Variants in ACCSL observed in about 807,000 individuals in gnomAD.
ACCSL encodes probable inactive 1-aminocyclopropane-1-carboxylate synthase-like protein 2.
In ACCSL, 55 loss-of-function variants were observed where a neutral mutation model predicts 61.7. The ratio of observed to expected loss-of-function variants is 0.89; its 90% confidence interval spans 0.72 to 1.12. The LOEUF (loss-of-function observed/expected upper bound fraction) is 1.12. Among genes scored for constraint, ACCSL ranks in the 50% most tolerant of loss-of-function variants. The pLI is 0.00. For synonymous variants in ACCSL, 258 were observed against 264.3 expected, an observed-to-expected ratio of 0.98 and a Z score of 0.23; for missense variants, 632 against 698.0, an observed-to-expected ratio of 0.91 and a Z score of 1.07.
At chr11:43,926,452 C>T in the ACCSL span, 1 of 454,942 alleles carries the variant, frequency 2.2e-6, no homozygotes, top group African/African-American at 2.0e-5. Flanking sequence ...AAACTCTGTA[C>T]AGAACGCCTT....
the ACCSL span, among the ~76,000 whole-genome samples, chr11:43,967,883 C>T: frequency 6.6e-6 from 1 of 152,174 alleles, no homozygotes; most frequent in African/African-American, 2.4e-5. Flanking sequence ...ATTTTCTCTA[C>T]ACATATGTTG....
At chr11:44,055,721 C>T (rs891746069) in intron 9 of ACCSL, among the ~76,000 whole-genome samples, 18 of 152,220 alleles carry the variant, frequency 1.2e-4, no homozygotes, top group Admixed American at 8.5e-4. Context: ...TACTCGGGCA[C>T]GTTCTAGAAA....
the ACCSL span, among the ~76,000 whole-genome samples, chr11:43,951,861 C>G: frequency 6.6e-6 from 1 of 152,120 alleles, no homozygotes; most frequent in African/African-American, 2.4e-5. Context: ...ATTAGCCAGG[C>G]ATGTTGGCGC....
At chr11:44,008,811 C>T in the ACCSL span, among the ~76,000 whole-genome samples, 1 of 152,252 alleles carries the variant, frequency 6.6e-6, no homozygotes, top group African/African-American at 2.4e-5. Flanking sequence ...GTAATGTCAT[C>T]TCCTGACAAC....
the ACCSL span, among the ~76,000 whole-genome samples, chr11:43,961,082 A>G: frequency 6.6e-6 from 1 of 152,202 alleles, no homozygotes; most frequent in Non-Finnish European, 1.5e-5. Flanking sequence ...CGGCCTTCCA[A>G]AGCGCTGGGA....
chr11:43,988,244 A>G, the ACCSL span, among the ~76,000 whole-genome samples: 1 of 152,148 alleles, frequency 6.6e-6, no homozygotes, highest in African/African-American at 2.4e-5. Flanking sequence ...GAACCCTGGC[A>G]GGGCCTGCCT....
At chr11:43,933,180 G>T in the ACCSL span, 2 of 456,114 alleles carry the variant, frequency 4.4e-6, no homozygotes, top group African/African-American at 4.0e-5. Flanking sequence ...TGGAATCATG[G>T]TACTGGCTCA....
chr11:43,973,566 C>A, the ACCSL span, among the ~76,000 whole-genome samples: 10 of 152,276 alleles, frequency 6.6e-5, no homozygotes, highest in African/African-American at 2.2e-4. Flanking sequence ...GTTACTTTGG[C>A]CTGCTCTCAA....
rs560032745 is a variant in ACCSL, at chr11:44,048,654, C to T, written c.504+114C>T. On this transcript the variant is annotated intron_variant, in intron 1 of 13. Transcript: ENST00000378832. ...TCTCATTCTTTATAGCCTTATGAAA[C>T]GGGCACTCTTGTCATCTTGCAGATA... 9.2e-5 allele frequency: 99 copies of T among 1,074,794 alleles called. 1 individual carries two copies. The highest frequency in any genetic ancestry group is 1.1e-4 in the Non-Finnish European group (86 of 748,252). 66.6% of individuals were successfully genotyped at this position (1,074,794 alleles called of 1,614,324 possible). A position where few individuals can be genotyped will look rare whatever the true frequency, so the allele number is the denominator to read the frequency against.
At chr11:43,981,182 G>T in the ACCSL span, among the ~76,000 whole-genome samples, 1 of 152,330 alleles carries the variant, frequency 6.6e-6, no homozygotes, top group East Asian at 1.9e-4. Context: ...TTATCCGCCT[G>T]GGGACCTCTG....
intron 8 of ACCSL, among the ~76,000 whole-genome samples, chr11:44,054,447 C>CT (rs67313576): frequency 0.46 from 63,353 of 138,258 alleles, 13,618 homozygotes; most frequent in East Asian, 0.64. Context: ...TTCTTTCTTT[C>CT]TTTTTTTTTT....
intron 9 of ACCSL, 90 bp from the exon 10 acceptor site, chr11:44,055,950 C>A (rs1384173519): frequency 2.7e-6 from 4 of 1,497,438 alleles, no homozygotes; most frequent in South Asian, 2.3e-5. Flanking sequence ...TGTCTAGGAC[C>A]AACCTCAAAT....
Position 44,052,726 on chromosome 11 carries a change from G to A in ACCSL, c.837G>A (p.Lys279=), listed in dbSNP as rs774019979. 7 of 1,614,002 alleles carry A rather than the reference G, an allele frequency of 4.3e-6. No individual in the cohort carries two copies. In the Admixed American group the frequency reaches 8.3e-5, roughly 19 times the overall value. The change falls in exon 6 of 14, where the codon AAG becomes AAA. Residue 279 remains lysine, a synonymous_variant. Coordinates refer to ENST00000378832, the MANE Select transcript of ACCSL (RefSeq NM_001031854.2). ...CCTTTAGCTCCCGCCTGTATGCAAA[G>A]GTTGAGTTGATTCCTGTCCACCTGG... ...GFAFSSRLYA[K]VELIPVHLES...
chr11:44,052,920 G>A (rs1399110083), intron 6 of ACCSL, 71 bp from the exon 7 acceptor site: 18 of 1,522,200 alleles, frequency 1.2e-5, no homozygotes, highest in African/African-American at 6.9e-5. Flanking sequence ...AAAGGATTGC[G>A]GGGCTTATGG....
chr11:43,992,935 A>G, the ACCSL span, among the ~76,000 whole-genome samples: 1 of 152,188 alleles, frequency 6.6e-6, no homozygotes, highest in African/African-American at 2.4e-5. Context: ...GTGTGGCTGC[A>G]CCCTTATTCA....
At chr11:43,991,718 C>G in the ACCSL span, among the ~76,000 whole-genome samples, 3 of 152,134 alleles carry the variant, frequency 2.0e-5, no homozygotes, top group Non-Finnish European at 4.4e-5. Flanking sequence ...TTCTTGAACC[C>G]AGGAGGCAAA....
At chr11:43,997,335 G>A in the ACCSL span, among the ~76,000 whole-genome samples, 1 of 152,072 alleles carries the variant, frequency 6.6e-6, no homozygotes, top group Non-Finnish European at 1.5e-5. Context: ...TTGGGCTGTC[G>A]GTTCCAGAGA....
chr11:43,945,676 T>C, the ACCSL span: 1 of 91,990 alleles, frequency 1.1e-5, no homozygotes, highest in Admixed American at 9.8e-5. Context: ...AAATCCTATC[T>C]CTACAAAAAA....
intron 13 of ACCSL, among the ~76,000 whole-genome samples, chr11:44,059,115 G>A (rs933825210): frequency 2.0e-5 from 3 of 152,154 alleles, no homozygotes; most frequent in African/African-American, 2.4e-5. Flanking sequence ...GGTGGCGCAC[G>A]CCTGTAATCC....
Sources: allele counts gnomAD v4.1 joint callset (sites outside exome capture counted in the v4.1 genomes callset), GRCh38; gene constraint gnomAD v4.1.1; transcripts MANE v1.5; gene names NCBI Gene and HGNC (gene_info 2026-07-23, HGNC 2026-07-21).